The following AOAH variants were observed in gnomAD, a reference collection of about 807,000 sequenced individuals.
The protein encoded by AOAH is acyloxyacyl hydrolase.
Under a neutral mutation model 92.2 loss-of-function variants are expected in AOAH, and 64 were observed. The observed-to-expected ratio is 0.69, with a 90% CI of 0.57 to 0.86. The LOEUF (loss-of-function observed/expected upper bound fraction) is 0.86, where lower values mean the gene tolerates loss of function less well. Among genes scored for constraint, AOAH ranks in the 40% least tolerant of loss-of-function variants. The pLI is 0.00. For missense variants in AOAH, 656 were observed against 694.6 expected (o/e 0.94, Z 0.62); for synonymous variants, 263 against 254.5 (o/e 1.03, Z -0.32).
chr7:36,522,173 C>G, intron 19 of AOAH, 58 bp from the exon 20 acceptor site: 3 of 1,556,312 alleles, frequency 1.9e-6, no homozygotes, highest in Non-Finnish European at 2.7e-6. Context: ...CGGCCAATAT[C>G]CAAGGACAAG....
At chr7:36,645,717 G>A (rs1053171132) in intron 4 of AOAH, among the ~76,000 whole-genome samples, 5 of 151,566 alleles carry the variant, frequency 3.3e-5, no homozygotes, top group Non-Finnish European at 5.9e-5. Context: ...AGCTCCAATG[G>A]GCATTTATGA....
In AOAH at chr7:36,539,599, A is replaced by G. The variant is rs531976446; in HGVS notation, c.1306+720T>C. On this transcript the variant is annotated intron_variant, in intron 16 of 20. Transcript: ENST00000617537. ...CACATAGTTGGCACTTAATAAATAC[A>G]TTCTCCTCTGAAATACAGAAAGCAG... Among the ~76,000 whole-genome samples the G allele has an allele frequency of 1.2e-3, 181 of 152,302 alleles. 1 individual carries two copies. The highest frequency in any genetic ancestry group is 4.1e-3 in the African/African-American group (172 of 41,556).
At chr7:36,568,025 C>T (rs137961758) in intron 13 of AOAH, among the ~76,000 whole-genome samples, 10 of 152,282 alleles carry the variant, frequency 6.6e-5, no homozygotes, top group African/African-American at 2.2e-4. Flanking sequence ...GTGCATTGCA[C>T]GTGTACACAT....
chr7:36,514,621 GACCT>G, intron 20 of AOAH: 1 of 1,483,276 alleles, frequency 6.7e-7, no homozygotes, highest in Non-Finnish European at 9.1e-7. Flanking sequence ...TAGCAAATGG[GACCT>G]GGCCAGGCCT....
intron 5 of AOAH, among the ~76,000 whole-genome samples, chr7:36,633,985 C>A (rs988835102): frequency 1.3e-5 from 2 of 152,086 alleles, no homozygotes; most frequent in African/African-American, 2.4e-5. Flanking sequence ...CCAGACACTG[C>A]CAAATGTCCC....
At chr7:36,687,248 C>T (rs1322435035) in intron 1 of AOAH, among the ~76,000 whole-genome samples, 1 of 152,112 alleles carries the variant, frequency 6.6e-6, no homozygotes, top group African/African-American at 2.4e-5. Context: ...TAATATGTTT[C>T]CCATAGGGCT....
At chr7:36,666,658 A>G (rs916845450) in intron 3 of AOAH, among the ~76,000 whole-genome samples, 1 of 152,100 alleles carries the variant, frequency 6.6e-6, no homozygotes, top group African/African-American at 2.4e-5. Flanking sequence ...GTAGAAGCTT[A>G]GATGACTCAT....
chr7:36,664,847 G>A (rs1198076518), intron 3 of AOAH, among the ~76,000 whole-genome samples: 1 of 152,162 alleles, frequency 6.6e-6, no homozygotes, highest in Non-Finnish European at 1.5e-5. Context: ...AATCATGGTG[G>A]AAGGAAAAGG....
At chr7:36,692,521 C>T (rs531978960) in intron 1 of AOAH, among the ~76,000 whole-genome samples, 3 of 151,930 alleles carry the variant, frequency 2.0e-5, no homozygotes, top group African/African-American at 7.2e-5. Flanking sequence ...CATTGTCAAC[C>T]AGAGAGGCAC....
intron 8 of AOAH, 117 bp downstream of exon 8, chr7:36,621,593 C>G (rs955035483): frequency 2.0e-6 from 2 of 980,278 alleles, no homozygotes; most frequent in African/African-American, 3.2e-5. Context: ...TCAATCGGAA[C>G]ATGAAAATCT....
At chr7:36,551,582 A>G (rs1228577245) in intron 13 of AOAH, among the ~76,000 whole-genome samples, 1 of 152,062 alleles carries the variant, frequency 6.6e-6, no homozygotes, top group African/African-American at 2.4e-5. Context: ...GCATTTAACT[A>G]TTCTAGGCAC....
chr7:36,628,343 G>A (rs1307818313), intron 6 of AOAH, among the ~76,000 whole-genome samples: 1 of 152,196 alleles, frequency 6.6e-6, no homozygotes, highest in Non-Finnish European at 1.5e-5. Context: ...ACAGTGTGTA[G>A]GCACTAGGTA....
intron 1 of AOAH, among the ~76,000 whole-genome samples, chr7:36,717,830 T>C (rs1265450733): frequency 6.7e-6 from 1 of 149,550 alleles, no homozygotes; most frequent in Non-Finnish European, 1.5e-5. Context: ...GAACTTGGTG[T>C]CTGGGAAATA....
At chr7:36,716,797 G>A (rs536198149) in intron 1 of AOAH, among the ~76,000 whole-genome samples, 1 of 151,578 alleles carries the variant, frequency 6.6e-6, no homozygotes, top group Non-Finnish European at 1.5e-5. Flanking sequence ...CACAGGAAGG[G>A]GAACATCACA....
intron 12 of AOAH, among the ~76,000 whole-genome samples, chr7:36,592,267 C>T (rs1175571866): frequency 6.6e-6 from 1 of 152,118 alleles, no homozygotes; most frequent in Non-Finnish European, 1.5e-5. Flanking sequence ...AAGGTTCTCT[C>T]TTCTATAAAC....
At chr7:36,703,641 G>C (rs1217039837) in intron 1 of AOAH, among the ~76,000 whole-genome samples, 2 of 152,068 alleles carry the variant, frequency 1.3e-5, no homozygotes, top group Non-Finnish European at 2.9e-5. Context: ...GAGAACATGT[G>C]GTGTTTGGTT....
intron 2 of AOAH, among the ~76,000 whole-genome samples, chr7:36,684,925 A>G (rs1796885120): frequency 1.6e-5 from 2 of 123,180 alleles, no homozygotes; most frequent in Non-Finnish European, 3.3e-5. Flanking sequence ...AAAAAAAAAA[A>G]AAAAAAAAAA....
At chr7:36,573,678 A>C (rs987072453) in intron 13 of AOAH, among the ~76,000 whole-genome samples, 2 of 152,138 alleles carry the variant, frequency 1.3e-5, no homozygotes, top group African/African-American at 4.8e-5. Flanking sequence ...AGATCGCACC[A>C]CTGCACTCCA....
At chr7:36,704,982 T>C (rs2116918273) in intron 1 of AOAH, among the ~76,000 whole-genome samples, 1 of 152,288 alleles carries the variant, frequency 6.6e-6, no homozygotes, top group South Asian at 2.1e-4. Flanking sequence ...TAGGTATTGA[T>C]GGAGCATATA....
Sources: allele counts gnomAD v4.1 joint callset (sites outside exome capture counted in the v4.1 genomes callset), GRCh38; gene constraint gnomAD v4.1.1; transcripts MANE v1.5; gene names NCBI Gene and HGNC (gene_info 2026-07-23, HGNC 2026-07-21).